The following ADCK1 variants were observed in gnomAD, a reference collection of about 807,000 sequenced individuals.
ADCK1 encodes aarF domain containing kinase 1, also known as aarF domain-containing protein kinase 1.
In ADCK1, 41 loss-of-function variants were observed where a neutral mutation model predicts 52.3. The ratio of observed to expected loss-of-function variants is 0.78; its 90% CI spans 0.61 to 1.02. The LOEUF is 1.02. Ranked by LOEUF, ADCK1 falls within the 50% of genes least tolerant of loss-of-function variation. The pLI is 0.00. For synonymous variants in ADCK1, 250 were observed against 274.6 expected (o/e 0.91, Z 0.89); for missense variants, 658 against 679.5 (o/e 0.97, Z 0.35).
Position 77,915,599 on chromosome 14 carries a change from C to T in ADCK1, c.858+7680C>T, listed in dbSNP as rs147612062. 6.4e-4 allele frequency among the ~76,000 whole-genome samples: 98 copies of T among 152,226 alleles called. 1 individual carries two copies. Among genetic ancestry groups the T allele is most frequent in the East Asian group, 5.6e-3 (29 of 5,164 alleles). ...GCAGCCATAAAAAATGATGAGTTCA[C>T]GTCCTTTGTAGGGACATGGATGAAA... On this transcript the variant is annotated intron_variant, in intron 7 of 10. Transcript: ENST00000238561.
chr14:77,933,430 A>G lies in ADCK1; in HGVS notation c.*39A>G. The G allele has an allele frequency of 6.2e-7, 1 of 1,603,140 alleles. No individual in the cohort carries two copies. The highest frequency in any genetic ancestry group is 1.1e-5 in the South Asian group (1 of 90,656). On this transcript the variant is annotated 3_prime_UTR_variant, in exon 11 of 11. Coordinates refer to ENST00000238561, the MANE Select transcript of ADCK1 (RefSeq NM_020421.4). ...CCCTGCCCCATTCTGGTGTCTTTCC[A>G]CTCCTCAGCCCCTCATCTTGCCTCC...
At chr14:77,859,747 GC>G (rs2082503291) in intron 4 of ADCK1, among the ~76,000 whole-genome samples, 1 of 152,146 alleles carries the variant, frequency 6.6e-6, no homozygotes, top group Non-Finnish European at 1.5e-5. Flanking sequence ...CTTATCTATA[GC>G]CCACCACATA....
intron 4 of ADCK1, among the ~76,000 whole-genome samples, 167 bp from the exon 5 acceptor site, chr14:77,886,917 CACACACA>C (rs2083161548): frequency 2.2e-5 from 1 of 46,194 alleles, no homozygotes; most frequent in African/African-American, 5.5e-5. Flanking sequence ...AACACACACA[CACACACA>C]CACACACACA....
At chr14:77,914,004 G>A (rs1173342677) in intron 7 of ADCK1, among the ~76,000 whole-genome samples, 1 of 152,184 alleles carries the variant, frequency 6.6e-6, no homozygotes, top group Non-Finnish European at 1.5e-5. Flanking sequence ...GTCAGGGTCG[G>A]GTGGGGATCT....
At chr14:77,895,855 G>A (rs999967941) in intron 5 of ADCK1, among the ~76,000 whole-genome samples, 25 of 152,080 alleles carry the variant, frequency 1.6e-4, no homozygotes, top group African/African-American at 6.0e-4. Context: ...GGGCTTCGTA[G>A]CGGGTATCAA....
rs1555346138 is a variant in ADCK1, at chr14:77,810,123, C to CA, written c.-11-8845_-11-8844insA. Among the ~76,000 whole-genome samples, 94 of 148,252 alleles carry CA rather than the reference C, an allele frequency of 6.3e-4. 1 individual carries two copies. Among genetic ancestry groups the CA allele is most frequent in the African/African-American group, 1.8e-3 (72 of 40,452 alleles). ...CCTTAAAGTAGTATTCAGTTAATTA[C>CA]TTTTTTTTTTCTTGAGTCTTGCTCT... On this transcript the variant is annotated intron_variant, in intron 1 of 10. Coordinates refer to ENST00000238561, the MANE Select transcript of ADCK1 (RefSeq NM_020421.4).
At chr14:77,801,986 G>A (rs1594833203) in intron 1 of ADCK1, among the ~76,000 whole-genome samples, 1 of 151,938 alleles carries the variant, frequency 6.6e-6, no homozygotes, top group Admixed American at 6.6e-5. Context: ...CTTCACCAGG[G>A]TAACTCACTA....
intron 3 of ADCK1, among the ~76,000 whole-genome samples, chr14:77,843,125 C>G (rs1422684111): frequency 6.6e-6 from 1 of 152,098 alleles, no homozygotes; most frequent in Non-Finnish European, 1.5e-5. Flanking sequence ...CTCCTGGCTT[C>G]AAGTGATTCT....
chr14:77,908,019 C>A, intron 7 of ADCK1, 100 bp downstream of exon 7: 2 of 931,904 alleles, frequency 2.1e-6, no homozygotes, highest in Admixed American at 2.1e-5. Context: ...CAGAGTCTGG[C>A]CCCCTTGTCT....
Position 77,931,715 on chromosome 14 carries a change from A to T in ADCK1, c.1400+4A>T, listed in dbSNP as rs1471362570. On this transcript the variant is annotated splice_donor_region_variant and intron_variant, in intron 10 of 10. Coordinates refer to ENST00000238561, the MANE Select transcript of ADCK1 (RefSeq NM_020421.4). ...GCTGCATCAGAGCGCTAGCTGAGTG[A>T]GTGTGGGCTCCTCCCTCTCCTCCCC... 3.8e-6 allele frequency: 6 copies of T among 1,599,384 alleles called. No homozygotes were observed. The Admixed American group carries it at 1.0e-4, about 27-fold the overall frequency.
chr14:77,815,146 A>C (rs942935161), intron 1 of ADCK1, among the ~76,000 whole-genome samples: 2 of 149,238 alleles, frequency 1.3e-5, no homozygotes, highest in African/African-American at 4.9e-5. Context: ...GCCTCCCACC[A>C]AGCCTGGCCC....
chr14:77,890,789 A>G (rs765906279), intron 5 of ADCK1, among the ~76,000 whole-genome samples: 1 of 152,172 alleles, frequency 6.6e-6, no homozygotes, highest in Non-Finnish European at 1.5e-5. Flanking sequence ...TGGAGAATGT[A>G]CTGTTTTCAG....
chr14:77,926,019 G>A, intron 9 of ADCK1, 58 bp downstream of exon 9: 2 of 1,602,278 alleles, frequency 1.2e-6, no homozygotes, highest in Non-Finnish European at 1.7e-6. Context: ...GGCTAGAGGT[G>A]GCCTGTGGAC....
chr14:77,883,791 G>A (rs192320844), intron 4 of ADCK1, among the ~76,000 whole-genome samples: 130 of 152,266 alleles, frequency 8.5e-4, no homozygotes, highest in Admixed American at 1.6e-3. Flanking sequence ...GCTTCTGCTG[G>A]TGGAACTGGG....
intron 3 of ADCK1, among the ~76,000 whole-genome samples, chr14:77,855,642 ACAGTGTGGG>A: frequency 6.6e-6 from 1 of 152,276 alleles, no homozygotes; most frequent in South Asian, 2.1e-4. Context: ...GACCTTGCGG[ACAGTGTGGG>A]CCTGATTTCT....
In ADCK1 at chr14:77,864,691, G is replaced by T. The variant is rs528526737; in HGVS notation, c.423+5412G>T. On this transcript the variant is annotated intron_variant, in intron 4 of 10. Coordinates refer to ENST00000238561, the MANE Select transcript of ADCK1 (RefSeq NM_020421.4). Reference sequence around the variant, plus strand: ...TGTTTGTGCATGCATGTTTGCTTGTGTGTGTGTATTTAGAGCTAGAGAGAG... The same window carrying T: ...TGTTTGTGCATGCATGTTTGCTTGTTTGTGTGTATTTAGAGCTAGAGAGAG... 2.0e-5 allele frequency among the ~76,000 whole-genome samples: 3 copies of T among 152,062 alleles called. No homozygotes were observed. The South Asian group carries it at 6.2e-4, about 32-fold the overall frequency.
rs1555357218 is a variant in ADCK1, at chr14:77,897,912, A to G, written c.583-1188A>G. 2.6e-5 allele frequency among the ~76,000 whole-genome samples: 4 copies of G among 152,158 alleles called. No individual in the cohort carries two copies. In the South Asian group the frequency reaches 6.2e-4, roughly 24 times the overall value. On this transcript the variant is annotated intron_variant, in intron 5 of 10. Coordinates refer to ENST00000238561, the MANE Select transcript of ADCK1 (RefSeq NM_020421.4). ...CTGTAGAGTTGGCTGTGGAATTCCC[A>G]GGGGGAATTCTAGCTCGGTACTTCC...
chr14:77,823,528 AT>A (rs1279920056), intron 3 of ADCK1, among the ~76,000 whole-genome samples: 1 of 151,860 alleles, frequency 6.6e-6, no homozygotes, highest in Non-Finnish European at 1.5e-5. Context: ...AACTATCAAC[AT>A]TTTGCCCATC....
At position 77,807,028 on chromosome 14, in the gene ADCK1, C is replaced by T. The variant is rs555101458; in HGVS notation, c.-12+6858C>T. ...CTGCGCCCGGCCTAAGATAGCCACT[C>T]TCTCTCTCTCTTTTTTTTTTTTTTT... On this transcript the variant is annotated intron_variant, in intron 1 of 10. Transcript: ENST00000238561. Among the ~76,000 whole-genome samples, 84 of 130,976 alleles carry T rather than the reference C, an allele frequency of 6.4e-4. 1 individual carries two copies. The East Asian group carries it at 0.016, about 24-fold the overall frequency. The allele number at this position is 130,976 out of a possible 152,430, so 85.9% of individuals were successfully genotyped here. A position where few individuals can be genotyped will look rare whatever the true frequency, so the allele number is the denominator to read the frequency against.
Sources: allele counts gnomAD v4.1 joint callset (sites outside exome capture counted in the v4.1 genomes callset), GRCh38; gene constraint gnomAD v4.1.1; transcripts MANE v1.5; gene names NCBI Gene and HGNC (gene_info 2026-07-23, HGNC 2026-07-21).